CDYL: variants seen among roughly 807,000 people sequenced by gnomAD.
CDYL encodes the protein chromodomain Y like.
CDYL carries 8 observed loss-of-function variants against 47.3 expected under a neutral mutation model. The ratio of observed to expected loss-of-function variants is 0.17; its 90% confidence interval spans 0.10 to 0.31. The LOEUF (loss-of-function observed/expected upper bound fraction) is 0.31. Among genes scored for constraint, CDYL ranks in the 10% least tolerant of loss-of-function variants. CDYL has a pLI of 1.00. For synonymous variants in CDYL, 266 were observed against 265.0 expected (o/e 1.00, Z -0.04); for missense variants, 471 against 701.4 (o/e 0.67, Z 3.71).
intron 3 of CDYL, among the ~76,000 whole-genome samples, chr6:4,769,468 G>C (rs933481446): frequency 2.0e-5 from 3 of 152,032 alleles, no homozygotes; most frequent in Non-Finnish European, 4.4e-5. Flanking sequence ...TGGGGAGTGG[G>C]TACATAGGCC....
chr6:4,741,048 A>G (rs1422007119), intron 3 of CDYL, among the ~76,000 whole-genome samples: 4 of 152,150 alleles, frequency 2.6e-5, no homozygotes, highest in African/African-American at 4.8e-5. Flanking sequence ...CAGCCTCCCA[A>G]AGTGCTGGGA....
intron 2 of CDYL, chr6:4,718,425 G>A (rs949572010): frequency 1.3e-5 from 2 of 151,936 alleles, no homozygotes; most frequent in East Asian, 1.9e-4. Context: ...ATTACAGCGT[G>A]TGCCATGACG....
chr6:4,753,081 C>G (rs1758022839), intron 3 of CDYL, among the ~76,000 whole-genome samples: 1 of 152,088 alleles, frequency 6.6e-6, no homozygotes, highest in African/African-American at 2.4e-5. Context: ...CCATGCCCGG[C>G]TAATCCTTCT....
chr6:4,952,131 C>G, intron 5 of CDYL, 135 bp from the exon 6 acceptor site: 1 of 968,952 alleles, frequency 1.0e-6, no homozygotes, highest in Non-Finnish European at 1.5e-6. Flanking sequence ...CCCAGCGGCC[C>G]CTAGAGGATG....
chr6:4,706,290 T>C (rs1382886318), intron 1 of CDYL: 1 of 152,066 alleles, frequency 6.6e-6, no homozygotes, highest in African/African-American at 2.4e-5. Context: ...GGAGAGGAAG[T>C]CAATCTGGGA....
intron 1 of CDYL, among the ~76,000 whole-genome samples, chr6:4,813,535 C>G (rs947741296): frequency 1.3e-5 from 2 of 152,182 alleles, no homozygotes; most frequent in Non-Finnish European, 2.9e-5. Context: ...ATCATTTATT[C>G]TTCTGCCACT....
intron 2 of CDYL, among the ~76,000 whole-genome samples, chr6:4,927,378 TCAATTTTTTATG>T (rs1010367889): frequency 9.3e-5 from 14 of 149,950 alleles, no homozygotes; most frequent in Admixed American, 8.1e-4. Flanking sequence ...TTAACTCAGA[TCAATTTTTTATG>T]TTTTAGTGTT....
chr6:4,835,337 T>A (rs1215530020), intron 1 of CDYL, among the ~76,000 whole-genome samples: 1 of 152,230 alleles, frequency 6.6e-6, no homozygotes, highest in African/African-American at 2.4e-5. Context: ...AGAGGTCCAC[T>A]CCAGACCCTG....
chr6:4,871,393 G>C (rs1761468780), intron 1 of CDYL, among the ~76,000 whole-genome samples: 1 of 152,196 alleles, frequency 6.6e-6, no homozygotes, highest in Non-Finnish European at 1.5e-5. Flanking sequence ...TTGGATTTTA[G>C]AGCATTTTGG....
intron 4 of CDYL, among the ~76,000 whole-genome samples, chr6:4,939,376 G>T (rs1438220640): frequency 6.6e-6 from 1 of 152,120 alleles, no homozygotes; most frequent in Non-Finnish European, 1.5e-5. Flanking sequence ...GCACCAAACA[G>T]CCCATCACAG....
At chr6:4,914,405 C>A (rs1233723755) in intron 2 of CDYL, among the ~76,000 whole-genome samples, 1 of 152,190 alleles carries the variant, frequency 6.6e-6, no homozygotes, top group Non-Finnish European at 1.5e-5. Context: ...AACTGCTACG[C>A]TGTCGTGCCA....
At chr6:4,857,410 C>T (rs1028064041) in intron 1 of CDYL, among the ~76,000 whole-genome samples, 5 of 152,178 alleles carry the variant, frequency 3.3e-5, no homozygotes, top group Non-Finnish European at 7.3e-5. Flanking sequence ...AAATGTTGCT[C>T]TAGGGGAGGA....
At chr6:4,775,985 C>T (rs1209474443), upstream of CDYL, among the ~76,000 whole-genome samples, 1 of 149,706 alleles carries the variant, frequency 6.7e-6, no homozygotes, top group African/African-American at 2.4e-5. The surrounding 1 kb of genome is among the most constrained non-coding windows in gnomAD (Gnocchi z 7.0). Context: ...TCGGGTCCGT[C>T]GCTGCCCGTC....
intron 1 of CDYL, among the ~76,000 whole-genome samples, chr6:4,787,955 A>G (rs1233202029): frequency 6.6e-6 from 1 of 151,710 alleles, no homozygotes; most frequent in Non-Finnish European, 1.5e-5. Context: ...TATTTTTAGT[A>G]GAGACAAGGA....
At chr6:4,794,233 C>A (rs562050535) in intron 1 of CDYL, among the ~76,000 whole-genome samples, 1 of 151,918 alleles carries the variant, frequency 6.6e-6, no homozygotes, top group African/African-American at 2.4e-5. Context: ...TGAGAAGAGA[C>A]GTGGCCAGAG....
intron 1 of CDYL, among the ~76,000 whole-genome samples, chr6:4,825,792 C>T (rs893962173): frequency 1.3e-5 from 2 of 151,216 alleles, no homozygotes; most frequent in African/African-American, 4.9e-5. Context: ...TTATTTGTAA[C>T]CCAAAAATTA....
At chr6:4,841,039 C>T (rs1760474358) in intron 1 of CDYL, among the ~76,000 whole-genome samples, 1 of 152,038 alleles carries the variant, frequency 6.6e-6, no homozygotes, top group Non-Finnish European at 1.5e-5. Flanking sequence ...TCCATCAGGT[C>T]CTGGACTTTT....
intron 3 of CDYL, among the ~76,000 whole-genome samples, chr6:4,742,725 C>G (rs1757819145): frequency 6.6e-6 from 1 of 152,248 alleles, no homozygotes; most frequent in Admixed American, 6.5e-5. Context: ...CTTGAAGGAT[C>G]TCTCTTGTCC....
rs1319148015 is a variant in CDYL at position 4,753,806 on chromosome 6, T to G, written c.186+18962T>G. On this transcript the variant is annotated intron_variant, in intron 3 of 8. Transcript: ENST00000328908. ...AGAAACCTGGCTTCTACTAAACAAC[T>G]TTTTAATCTTATGATTAAAGTATCA... 2.0e-5 allele frequency among the ~76,000 whole-genome samples: 3 copies of G among 152,236 alleles called. 1 individual carries two copies. The highest frequency in any genetic ancestry group is 2.0e-4 in the Admixed American group (3 of 15,290).
Sources: gnomAD v4.1 joint callset for allele counts (sites outside exome capture counted in the v4.1 genomes callset) on GRCh38, gnomAD v4.1.1 for gene constraint, Gnocchi (gnomAD v3.1) non-coding constraint, MANE v1.5 for transcripts, NCBI Gene and HGNC (gene_info 2026-07-23, HGNC 2026-07-21) for gene names.